ACMSD: variants seen among roughly 807,000 people sequenced by gnomAD.
ACMSD encodes aminocarboxymuconate semialdehyde decarboxylase.
Under a neutral mutation model 45.9 loss-of-function variants are expected in ACMSD, and 37 were observed. That is an observed-to-expected ratio of 0.81 (90% CI 0.62 to 1.06). The LOEUF is 1.06. ACMSD is among the 50% of genes least tolerant of loss of function. ACMSD has a pLI of 0.00. For missense variants in ACMSD, 434 were observed against 420.9 expected (o/e 1.03, Z -0.27); for synonymous variants, 138 against 148.8 (o/e 0.93, Z 0.53).
chr2:134,892,460 A>G (rs978270307), intron 8 of ACMSD, among the ~76,000 whole-genome samples: 5 of 120,528 alleles, frequency 4.1e-5, no homozygotes, highest in Non-Finnish European at 6.5e-5. Flanking sequence ...ATTGCTGTGG[A>G]AAAAATAAAT....
chr2:134,885,265 A>ATG (rs1391075023), intron 8 of ACMSD, among the ~76,000 whole-genome samples: 2 of 90,466 alleles, frequency 2.2e-5, no homozygotes, highest in East Asian at 6.7e-4. Context: ...TAATATATAT[A>ATG]TAAATATATA....
At chr2:134,872,943 C>A in intron 8 of ACMSD, 2 of 302,546 alleles carry the variant, frequency 6.6e-6, no homozygotes, top group Admixed American at 4.1e-5. Context: ...CCTATATGCA[C>A]CCAAAATGAC....
intron 8 of ACMSD, among the ~76,000 whole-genome samples, chr2:134,883,138 T>C (rs1689136729): frequency 6.6e-6 from 1 of 152,188 alleles, no homozygotes; most frequent in South Asian, 2.1e-4. Flanking sequence ...CCTTGGGGTT[T>C]AATACAGTCT....
intron 9 of ACMSD, among the ~76,000 whole-genome samples, chr2:134,900,968 T>C (rs913478614): frequency 6.6e-6 from 1 of 152,184 alleles, no homozygotes; most frequent in Non-Finnish European, 1.5e-5. Flanking sequence ...CTAGCAGCAA[T>C]AGTCACTTCT....
At position 134,900,704 on chromosome 2, in the gene ACMSD, G is replaced by A. The variant is rs560546825; in HGVS notation, c.949-1094G>A. On this transcript the variant is annotated intron_variant, in intron 9 of 9. Transcript: ENST00000356140. ...TAGCATCCACAGAGGGTCTTGGAAT[G>A]TATCCTTCATAGATAAGGGGGGACT... is the stretch of plus-strand genomic sequence containing the variant. Among the ~76,000 whole-genome samples the A allele has an allele frequency of 2.0e-5, 3 of 152,282 alleles. No individual in the cohort carries two copies. In the South Asian group the frequency reaches 6.2e-4, roughly 32 times the overall value.
chr2:134,872,606 C>A lies in ACMSD; in HGVS notation c.814C>A (p.Leu272Met). 6.2e-7 allele frequency: 1 copy of A among 1,614,186 alleles called. No individual in the cohort carries two copies. The highest frequency in any genetic ancestry group is 8.5e-7 in the Non-Finnish European group (1 of 1,180,018). ...CACAGATGCTTTGGTTCATGATCCT[C>A]TGTCCCTCAAGCTGTTAACAGATGT... ...FYTDALVHDPLSLKLLTDVIG... is the reference protein window; with the variant it reads ...FYTDALVHDPMSLKLLTDVIG... The change falls in exon 8 of 10, where the codon CTG becomes ATG. Residue 272 changes from leucine (L) to methionine (M), a missense_variant. Leu to Met is a conservative substitution (Grantham distance 15). Transcript: ENST00000356140.
intron 1 of ACMSD, among the ~76,000 whole-genome samples, chr2:134,841,993 T>C (rs1264764051): frequency 1.3e-5 from 2 of 152,182 alleles, no homozygotes; most frequent in African/African-American, 4.8e-5. Context: ...TTCAAGACAT[T>C]AACAATGTCA....
chr2:134,895,316 A>C (rs199634193), intron 8 of ACMSD, among the ~76,000 whole-genome samples: 1 of 49,190 alleles, frequency 2.0e-5, no homozygotes, highest in Non-Finnish European at 3.8e-5. Flanking sequence ...AAAGAAAAAA[A>C]ATATATATAT....
At chr2:134,872,379 G>T (rs997870968) in intron 7 of ACMSD, 90 bp from the exon 8 acceptor site, 2 of 1,440,658 alleles carry the variant, frequency 1.4e-6, no homozygotes, top group African/African-American at 1.4e-5. Flanking sequence ...TTAATCAGCT[G>T]GCCTACAGTA....
chr2:134,868,519 C>A (rs1161780024), intron 6 of ACMSD, among the ~76,000 whole-genome samples: 2 of 142,244 alleles, frequency 1.4e-5, no homozygotes, highest in Non-Finnish European at 3.0e-5. Flanking sequence ...GTGGTGCAAT[C>A]TCAGCTCACT....
chr2:134,886,405 C>G (rs1438065390), intron 8 of ACMSD, among the ~76,000 whole-genome samples: 1 of 151,576 alleles, frequency 6.6e-6, no homozygotes, highest in South Asian at 2.1e-4. Context: ...CCCGCCAACA[C>G]GCCCGGCTAA....
intron 1 of ACMSD, chr2:134,844,529 G>A (rs1686961940): frequency 6.6e-6 from 1 of 152,288 alleles, no homozygotes; most frequent in African/African-American, 2.4e-5. Context: ...ACCGAGGGGT[G>A]GGGTACGGTG....
Position 134,885,319 on chromosome 2 carries a change from A to ATATATAT in ACMSD, c.849+12678_849+12679insTATATAT, listed in dbSNP as rs35092050. Among the ~76,000 whole-genome samples, 84 of 103,144 alleles carry ATATATAT rather than the reference A, an allele frequency of 8.1e-4. No homozygotes were observed. In the Admixed American group the frequency reaches 9.5e-3, roughly 12 times the overall value. 67.7% of individuals were successfully genotyped at this position (103,144 alleles called of 152,430 possible). A position where few individuals can be genotyped will look rare whatever the true frequency, so the allele number is the denominator to read the frequency against. ...TATATATATTTAAATATATATATAT[A>ATATATAT]AATATATATGTAAATATATATTTAT... On this transcript the variant is annotated intron_variant, in intron 8 of 9. Coordinates refer to ENST00000356140, the MANE Select transcript of ACMSD (RefSeq NM_138326.3).
In ACMSD at chr2:134,895,316, A is replaced by AAATATATATGTTACATATATAAT. The variant is rs1559071275; in HGVS notation, c.850-3024_850-3023insATATATATGTTACATATATAATA. On this transcript the variant is annotated intron_variant, in intron 8 of 9. Transcript: ENST00000356140. ...AGACTGCATCTCAAAAAAGAAAAAA[A>AAATATATATGTTACATATATAAT]ATATATATATGTTATATATATAATA... Among the ~76,000 whole-genome samples, 26 of 49,208 alleles carry AAATATATATGTTACATATATAAT rather than the reference A, an allele frequency of 5.3e-4. No homozygotes were observed. In the South Asian group the frequency reaches 0.024, roughly 45 times the overall value. The allele number at this position is 49,208 out of a possible 152,430, so 32.3% of individuals were successfully genotyped here. A position where few individuals can be genotyped will look rare whatever the true frequency, so the allele number is the denominator to read the frequency against.
intron 2 of ACMSD, among the ~76,000 whole-genome samples, chr2:134,856,765 C>T (rs1687599525): frequency 6.6e-6 from 1 of 152,158 alleles, no homozygotes; most frequent in African/African-American, 2.4e-5. Flanking sequence ...AATATTTTCT[C>T]CTGTTCCATA....
At chr2:134,891,050 T>C (rs1689755507) in intron 8 of ACMSD, among the ~76,000 whole-genome samples, 1 of 152,040 alleles carries the variant, frequency 6.6e-6, no homozygotes, top group African/African-American at 2.4e-5. Flanking sequence ...GTGTCAGGTA[T>C]ACGGTTTTCA....
intron 8 of ACMSD, among the ~76,000 whole-genome samples, chr2:134,882,338 C>G (rs1213277465): frequency 6.6e-6 from 1 of 152,080 alleles, no homozygotes; most frequent in Non-Finnish European, 1.5e-5. Flanking sequence ...AGTCCTGGCT[C>G]TACTACTAGT....
In ACMSD at chr2:134,845,509, GTCTCTCTCTC is replaced by G. The variant is rs59782657; in HGVS notation, c.102+269_102+278del. ...TTGGAATTTGAGAACACATTAAAAG[GTCTCTCTCTC>G]TCTCTCTCTCTCTCTCTCTCTCTCT... On this transcript the variant is annotated intron_variant, in intron 2 of 9. Coordinates refer to ENST00000356140, the MANE Select transcript of ACMSD (RefSeq NM_138326.3). Among the ~76,000 whole-genome samples, 366 of 94,430 alleles carry G rather than the reference GTCTCTCTCTC, an allele frequency of 3.9e-3. 5 individuals carry two copies. Among genetic ancestry groups the G allele is most frequent in the East Asian group, 0.012 (39 of 3,278 alleles). The allele number at this position is 94,430 out of a possible 152,430, so 61.9% of individuals were successfully genotyped here. A position where few individuals can be genotyped will look rare whatever the true frequency, so the allele number is the denominator to read the frequency against.
At chr2:134,885,848 A>G (rs1421130020) in intron 8 of ACMSD, among the ~76,000 whole-genome samples, 1 of 152,118 alleles carries the variant, frequency 6.6e-6, no homozygotes, top group East Asian at 1.9e-4. Context: ...CTATTAGAAA[A>G]TTGCTCAAGT....
Sources: gnomAD v4.1 joint callset for allele counts (sites outside exome capture counted in the v4.1 genomes callset) on GRCh38, gnomAD v4.1.1 for gene constraint, MANE v1.5 for transcripts, NCBI Gene and HGNC (gene_info 2026-07-23, HGNC 2026-07-21) for gene names.